The following PDILT variants were observed in gnomAD, a reference collection of about 807,000 sequenced individuals.
PDILT encodes protein disulfide isomerase like, testis expressed.
PDILT carries 43 observed loss-of-function variants against 53.7 expected under a neutral mutation model. That is an observed-to-expected ratio of 0.80 (90% CI 0.63 to 1.03). PDILT has a LOEUF of 1.03. Ranked by LOEUF, PDILT falls within the 50% of genes least tolerant of loss-of-function variation. PDILT has a pLI of 0.00. For missense variants in PDILT, 727 were observed against 712.3 expected, an observed-to-expected ratio of 1.02 and a Z score of -0.24; for synonymous variants, 282 against 274.2, an observed-to-expected ratio of 1.03 and a Z score of -0.28.
intron 2 of PDILT, 32 bp from the exon 3 acceptor site, chr16:20,384,883 C>T (rs374030715): frequency 1.1e-4 from 181 of 1,592,452 alleles, no homozygotes; most frequent in Middle Eastern, 6.6e-4. Flanking sequence ...ATTTGAGAGG[C>T]CTTTCCTCGC....
Position 20,385,632 on chromosome 16 carries a change from G to A in PDILT, c.203-781C>T, listed in dbSNP as rs1399522075. On this transcript the variant is annotated intron_variant, in intron 2 of 11. Transcript: ENST00000302451. ...GAGGGATCAAAAAAAACTGCATATTGGGTAGAAAGAACATGACTAAGGTGA... is the reference window on the plus strand; with the variant it reads ...GAGGGATCAAAAAAAACTGCATATTAGGTAGAAAGAACATGACTAAGGTGA... 4.6e-5 allele frequency among the ~76,000 whole-genome samples: 7 copies of A among 152,160 alleles called. No homozygotes were observed. The South Asian group carries it at 1.5e-3, about 32-fold the overall frequency.
At chr16:20,379,344 T>C (rs1287298137) in intron 3 of PDILT, among the ~76,000 whole-genome samples, 2 of 152,058 alleles carry the variant, frequency 1.3e-5, no homozygotes, top group African/African-American at 4.8e-5. Context: ...CCACTAATTT[T>C]TTAGTATCAG....
chr16:20,365,854 G>A (rs949725962), intron 8 of PDILT, among the ~76,000 whole-genome samples: 1 of 151,998 alleles, frequency 6.6e-6, no homozygotes. Context: ...AGGCCGAGGC[G>A]GGTGGATCAT....
At chr16:20,373,379 C>T (rs1026069390) in intron 5 of PDILT, among the ~76,000 whole-genome samples, 3 of 152,060 alleles carry the variant, frequency 2.0e-5, no homozygotes, top group African/African-American at 7.2e-5. Context: ...CTTAACAGCC[C>T]CAGCCATTGT....
chr16:20,381,925 A>T (rs994120503), intron 3 of PDILT, among the ~76,000 whole-genome samples: 10 of 152,114 alleles, frequency 6.6e-5, no homozygotes, highest in African/African-American at 2.4e-4. Context: ...TAGAGACAGG[A>T]TCTCACTCTG....
At position 20,384,842 on chromosome 16, in the gene PDILT, G is replaced by T. The variant is rs1253898153; in HGVS notation, c.212C>A (p.Ser71Tyr). The T allele has an allele frequency of 6.2e-7, 1 of 1,614,168 alleles. No individual in the cohort carries two copies. Among genetic ancestry groups the T allele is most frequent in the South Asian group, 1.1e-5 (1 of 91,080 alleles). Residue 71 changes from serine (S) to tyrosine (Y), a missense_variant, in exon 3 of 12, where the codon TCC (serine) becomes TAC (tyrosine). Transcript: ENST00000302451. ...CGCCAAGTTCCTGGATTGCTTTGAG[G>T]ATGGGTTGTCTGAAAGAGTATGAAG... Reference protein sequence around the residue: ...RFLMVLFHNPSSKQSRNLAEE... With the variant: ...RFLMVLFHNPYSKQSRNLAEE...
At chr16:20,364,895 C>A (rs1596578266) in intron 9 of PDILT, among the ~76,000 whole-genome samples, 1 of 152,254 alleles carries the variant, frequency 6.6e-6, no homozygotes, top group African/African-American at 2.4e-5. Context: ...AAGCCAGAAG[C>A]AAAGAAATCC....
intron 11 of PDILT, among the ~76,000 whole-genome samples, chr16:20,360,046 G>A (rs1211180102): frequency 6.6e-6 from 1 of 152,250 alleles, no homozygotes; most frequent in African/African-American, 2.4e-5. Context: ...GAGATGGGAA[G>A]ACAGAAAGCA....
At chr16:20,403,756 G>T (rs1966777157) in intron 1 of PDILT, among the ~76,000 whole-genome samples, 1 of 151,902 alleles carries the variant, frequency 6.6e-6, no homozygotes, top group South Asian at 2.1e-4. Flanking sequence ...ACTGGCTCTG[G>T]ACCCATCTGA....
chr16:20,359,425 T>C lies in PDILT; in HGVS notation c.1649A>G (p.Glu550Gly). ...NMTKYVSKLE[E>G]PAGKKKTSEE... is the part of the protein sequence containing the mutation. ...AGATGTTTTCTTCTTCCCAGCGGGC[T>C]CTTCCAGCTTGGATACGTACTTGGT... Residue 550 changes from glutamate to glycine, a missense_variant, in exon 12 of 12, where the codon GAG becomes GGG. Transcript: ENST00000302451. 2.5e-6 allele frequency: 4 copies of C among 1,614,186 alleles called. No homozygotes were observed. Among genetic ancestry groups the C allele is most frequent in the Non-Finnish European group, 3.4e-6 (4 of 1,180,042 alleles).
rs766905550 is a variant in PDILT, at chr16:20,369,703, C to T, written c.919-14G>A. On this transcript the variant is annotated splice_polypyrimidine_tract_variant and intron_variant, in intron 7 of 11. Transcript: ENST00000302451. Reference sequence around the variant, plus strand: ...GATGAAAAGGATCTGCCAAAGAAAACAAAACCCTTGTCTCTCTGGATCCTT... The same window carrying T: ...GATGAAAAGGATCTGCCAAAGAAAATAAAACCCTTGTCTCTCTGGATCCTT... 7 of 1,613,310 alleles carry T rather than the reference C, an allele frequency of 4.3e-6. No homozygotes were observed. The highest frequency in any genetic ancestry group is 5.9e-6 in the Non-Finnish European group (7 of 1,179,804).
chr16:20,362,124 C>A (rs1026643161), intron 10 of PDILT, among the ~76,000 whole-genome samples: 2 of 152,224 alleles, frequency 1.3e-5, no homozygotes, highest in Non-Finnish European at 2.9e-5. Context: ...CTAGCAGGAA[C>A]CATATAAAAC....
Position 20,369,700 on chromosome 16 carries a change from A to G in PDILT, c.919-11T>C, listed in dbSNP as rs1234942817. 1 of 1,613,598 alleles carries G rather than the reference A, an allele frequency of 6.2e-7. No individual in the cohort carries two copies. Among genetic ancestry groups the G allele is most frequent in the Non-Finnish European group, 8.5e-7 (1 of 1,179,938 alleles). ...AAGGATGAAAAGGATCTGCCAAAGA[A>G]AACAAAACCCTTGTCTCTCTGGATC... is the stretch of plus-strand genomic sequence containing the variant. On this transcript the variant is annotated splice_polypyrimidine_tract_variant and intron_variant, in intron 7 of 11. Coordinates refer to ENST00000302451, the MANE Select transcript of PDILT (RefSeq NM_174924.2).
rs111881333 is a variant in PDILT at position 20,396,103 on chromosome 16, A to C, written c.202+2996T>G. ...GCATTTGCCTCAGTGCCACAGGGTA[A>C]GGGAGAATGGGAACTCATGTTTATT... On this transcript the variant is annotated intron_variant, in intron 2 of 11. Coordinates refer to ENST00000302451, the MANE Select transcript of PDILT (RefSeq NM_174924.2). 3.5e-3 allele frequency among the ~76,000 whole-genome samples: 539 copies of C among 152,342 alleles called. 4 individuals carry two copies. The highest frequency in any genetic ancestry group is 0.012 in the African/African-American group (512 of 41,580).
chr16:20,384,785 C>T lies in PDILT; in HGVS notation c.269G>A (p.Gly90Asp). The T allele has an allele frequency of 6.2e-7, 1 of 1,614,128 alleles. No homozygotes were observed. The highest frequency in any genetic ancestry group is 8.5e-7 in the Non-Finnish European group (1 of 1,180,022). ...AAAGCCGATCCCATTCTTGCCTTTG[C>T]CCATGATCTCCACAGCTTTGCCCAG... is the stretch of plus-strand genomic sequence containing the variant. ...EELGKAVEIMGKGKNGIGFGK... is the reference protein window; with the variant it reads ...EELGKAVEIMDKGKNGIGFGK... Residue 90 changes from glycine to aspartate, a missense_variant, in exon 3 of 12, where the codon GGC (glycine) becomes GAC (aspartate). Transcript: ENST00000302451.
intron 1 of PDILT, among the ~76,000 whole-genome samples, chr16:20,399,972 G>T (rs1966708586): frequency 6.6e-6 from 1 of 151,744 alleles, no homozygotes; most frequent in Non-Finnish European, 1.5e-5. Flanking sequence ...AATCCTTACA[G>T]ATATTGAAAA....
chr16:20,372,169 A>G (rs1290703350), intron 7 of PDILT, among the ~76,000 whole-genome samples: 1 of 152,252 alleles, frequency 6.6e-6, no homozygotes, highest in East Asian at 1.9e-4. Flanking sequence ...TGATGATGAT[A>G]ATAATAAAAA....
At chr16:20,367,071 CTTTCTTTCTTTCTTTCTTT>C (rs1567320841) in intron 8 of PDILT, among the ~76,000 whole-genome samples, 75 of 120,618 alleles carry the variant, frequency 6.2e-4, no homozygotes, top group African/African-American at 1.4e-3. Context: ...TTCTTTCTTT[CTTTCTTTCTTTCTTTCTTT>C]CTTTCTTTCT....
In PDILT at chr16:20,360,636, G is replaced by GTT. The variant is rs1966086883; in HGVS notation, c.1436_1437dup (p.His480AsnfsTer4). The GTT allele has an allele frequency of 6.2e-7, 1 of 1,613,612 alleles. No individual in the cohort carries two copies. The highest frequency in any genetic ancestry group is 8.5e-7 in the Non-Finnish European group (1 of 1,179,652). On this transcript the variant is annotated frameshift_variant, in exon 11 of 12. Transcript: ENST00000302451. LOFTEE classifies it high-confidence loss of function. ...AAGTCAGAGAAGCCCTTCAGGGTGT[G>GTT]TTCTCCCTTATACAGGACAGCCTAG... is the stretch of plus-strand genomic sequence containing the variant.
Sources: allele counts gnomAD v4.1 joint callset (sites outside exome capture counted in the v4.1 genomes callset), GRCh38; gene constraint gnomAD v4.1.1; transcripts MANE v1.5; gene names NCBI Gene and HGNC (gene_info 2026-07-23, HGNC 2026-07-21).